Variants in CSMD3 observed in about 807,000 individuals in gnomAD.
CSMD3 encodes the protein CUB and Sushi multiple domains 3.
Under a neutral mutation model 435.2 loss-of-function variants are expected in CSMD3, and 177 were observed. The observed-to-expected ratio is 0.41, with a 90% CI of 0.36 to 0.46. CSMD3 has a LOEUF of 0.46. CSMD3 is among the 20% of genes least tolerant of loss of function. CSMD3 has a pLI of 0.34. For missense variants in CSMD3, 4,265 were observed against 4,504.6 expected (o/e 0.95, Z 1.52); for synonymous variants, 1,656 against 1,520.5 (o/e 1.09, Z -2.07).
At chr8:112,251,192 C>T (rs1041332800) in intron 63 of CSMD3, among the ~76,000 whole-genome samples, 1 of 151,558 alleles carries the variant, frequency 6.6e-6, no homozygotes, top group East Asian at 1.9e-4. Context: ...ATTAAGGTCT[C>T]AAAAACGTAT....
intron 5 of CSMD3, among the ~76,000 whole-genome samples, chr8:113,064,169 T>A (rs1259715340): frequency 1.1e-4 from 16 of 151,926 alleles, no homozygotes; most frequent in Admixed American, 9.8e-4. Flanking sequence ...ATAATCAGTA[T>A]ATTTTAAAAT....
At chr8:112,341,363 GTTT>G in intron 42 of CSMD3, 111 bp downstream of exon 42, 2 of 670,368 alleles carry the variant, frequency 3.0e-6, no homozygotes, top group East Asian at 3.0e-5. Context: ...CTTGGCTTAA[GTTT>G]TTTTTTTTTT....
At chr8:112,238,494 T>C (rs1177565791) in intron 66 of CSMD3, among the ~76,000 whole-genome samples, 1 of 151,988 alleles carries the variant, frequency 6.6e-6, no homozygotes, top group Non-Finnish European at 1.5e-5. Flanking sequence ...TCTATTTCCA[T>C]GATAATTTAT....
At chr8:113,042,176 G>C (rs1391232990) in intron 5 of CSMD3, among the ~76,000 whole-genome samples, 2 of 151,994 alleles carry the variant, frequency 1.3e-5, no homozygotes, top group Non-Finnish European at 2.9e-5. Flanking sequence ...TTTCAAACTT[G>C]TTGAGTTGCT....
At chr8:112,931,969 G>A (rs1037727128) in intron 9 of CSMD3, among the ~76,000 whole-genome samples, 3 of 152,098 alleles carry the variant, frequency 2.0e-5, no homozygotes, top group Non-Finnish European at 4.4e-5. Flanking sequence ...GGATGCGGAG[G>A]AAAGGTAACT....
At chr8:112,973,978 C>T (rs1361105390) in intron 7 of CSMD3, among the ~76,000 whole-genome samples, 1 of 151,710 alleles carries the variant, frequency 6.6e-6, no homozygotes, top group Non-Finnish European at 1.5e-5. Context: ...AATACATTTC[C>T]AAGGTACATG....
At chr8:112,429,453 A>G (rs892355464) in intron 32 of CSMD3, among the ~76,000 whole-genome samples, 1 of 152,074 alleles carries the variant, frequency 6.6e-6, no homozygotes, top group African/African-American at 2.4e-5. Flanking sequence ...ATATAGTTCA[A>G]GGTTTCATGA....
At chr8:112,276,613 T>G (rs1384625925) in intron 59 of CSMD3, among the ~76,000 whole-genome samples, 1 of 151,998 alleles carries the variant, frequency 6.6e-6, no homozygotes, top group East Asian at 2.0e-4. Context: ...TCTAGGAATT[T>G]GGTGCCCTGC....
At position 113,037,696 on chromosome 8, in the gene CSMD3, T is replaced by C. The variant is rs967378465; in HGVS notation, c.918-18517A>G. 1.2e-4 allele frequency among the ~76,000 whole-genome samples: 19 copies of C among 152,270 alleles called. No homozygotes were observed. In the South Asian group the frequency reaches 2.1e-3, roughly 17 times the overall value. On this transcript the variant is annotated intron_variant, in intron 5 of 70. Transcript: ENST00000297405. ...GTTTTTAATTTTCACTATGCATCAA[T>C]ATCTATCAAACCCCAAACTCCAAGA...
chr8:112,361,820 T>C lies in CSMD3; in HGVS notation c.6137-9286A>G, dbSNP rs544013990. On this transcript the variant is annotated intron_variant, in intron 38 of 70. Coordinates refer to ENST00000297405, the MANE Select transcript of CSMD3 (RefSeq NM_198123.2). ...ACCAAAAATATTGGTTTTGCATTTA[T>C]GTGAGAAAGAAACAAAAGTTAAATC... Among the ~76,000 whole-genome samples the C allele has an allele frequency of 3.3e-5, 5 of 151,676 alleles. No individual in the cohort carries two copies. The South Asian group carries it at 1.0e-3, about 31-fold the overall frequency.
intron 10 of CSMD3, among the ~76,000 whole-genome samples, chr8:112,900,761 T>G (rs2082091366): frequency 6.6e-6 from 1 of 151,274 alleles, no homozygotes; most frequent in Non-Finnish European, 1.5e-5. Flanking sequence ...ACAGGCCAAC[T>G]AATGGGATTT....
At chr8:112,898,663 AAT>A (rs1001445093) in intron 10 of CSMD3, among the ~76,000 whole-genome samples, 2 of 151,282 alleles carry the variant, frequency 1.3e-5, no homozygotes, top group Non-Finnish European at 3.0e-5. Context: ...AAACATAACA[AAT>A]ATATATATGC....
chr8:113,271,718 C>T (rs1326255596), intron 3 of CSMD3, among the ~76,000 whole-genome samples: 2 of 152,152 alleles, frequency 1.3e-5, no homozygotes, highest in Non-Finnish European at 2.9e-5. Flanking sequence ...AGAGTCCCTA[C>T]TGGGGCACCA....
At position 112,692,348 on chromosome 8, in the gene CSMD3, A is replaced by G. The variant is rs146263736; in HGVS notation, c.1973-2298T>C. 2.1e-3 allele frequency among the ~76,000 whole-genome samples: 315 copies of G among 152,168 alleles called. 1 individual carries two copies. The highest frequency in any genetic ancestry group is 7.3e-3 in the African/African-American group (303 of 41,532). ...AAGTTTGTAGCTTATGTTTTGGTTT[A>G]CTTTGTAACTCATAAATAATGTCTG... is the stretch of plus-strand genomic sequence containing the variant. On this transcript the variant is annotated intron_variant, in intron 13 of 70. Coordinates refer to ENST00000297405, the MANE Select transcript of CSMD3 (RefSeq NM_198123.2).
rs575777438 is a variant in CSMD3 at position 113,294,477 on chromosome 8, G to A, written c.402-15773C>T. 1.1e-4 allele frequency among the ~76,000 whole-genome samples: 17 copies of A among 152,168 alleles called. No individual in the cohort carries two copies. In the South Asian group the frequency reaches 3.5e-3, roughly 32 times the overall value. On this transcript the variant is annotated intron_variant, in intron 2 of 70. Coordinates refer to ENST00000297405, the MANE Select transcript of CSMD3 (RefSeq NM_198123.2). The stretch of plus-strand genomic sequence containing the variant: ...GTTAAAGGCCACATTGTCAGCAAAC[G>A]GAAAAGTCAGAAATTAGGCCACTTT...
At chr8:112,489,976 T>C (rs1177825213) in intron 31 of CSMD3, among the ~76,000 whole-genome samples, 1 of 152,128 alleles carries the variant, frequency 6.6e-6, no homozygotes, top group Non-Finnish European at 1.5e-5. Flanking sequence ...ATTCACATCA[T>C]AATATAGATA....
At chr8:113,111,153 T>C (rs1294426303) in intron 4 of CSMD3, among the ~76,000 whole-genome samples, 1 of 152,144 alleles carries the variant, frequency 6.6e-6, no homozygotes, top group Non-Finnish European at 1.5e-5. Flanking sequence ...AAAGACAGGA[T>C]TGAAGTCATG....
intron 42 of CSMD3, among the ~76,000 whole-genome samples, chr8:112,341,210 T>C (rs1401697992): frequency 6.6e-6 from 1 of 152,062 alleles, no homozygotes; most frequent in Non-Finnish European, 1.5e-5. Context: ...CATGCCTTGC[T>C]TAATTTAATT....
intron 5 of CSMD3, among the ~76,000 whole-genome samples, chr8:113,093,300 T>C (rs2131521579): frequency 6.6e-6 from 1 of 151,656 alleles, no homozygotes; most frequent in Non-Finnish European, 1.5e-5. Context: ...AAAAGCTGGG[T>C]AGATGCCATC....
Sources: allele counts gnomAD v4.1 joint callset (sites outside exome capture counted in the v4.1 genomes callset), GRCh38; gene constraint gnomAD v4.1.1; transcripts MANE v1.5; gene names NCBI Gene and HGNC (gene_info 2026-07-23, HGNC 2026-07-21).